The following RAB11FIP3 variants were observed in gnomAD, a reference collection of about 807,000 sequenced individuals.
The protein encoded by RAB11FIP3 is rab11 family-interacting protein 3.
RAB11FIP3 carries 17 observed loss-of-function variants against 77.8 expected under a neutral mutation model. The observed-to-expected ratio is 0.22, with a 90% CI of 0.15 to 0.33. The LOEUF is 0.33. Among genes scored for constraint, RAB11FIP3 ranks in the 10% least tolerant of loss-of-function variants. RAB11FIP3 has a pLI of 1.00. For synonymous variants in RAB11FIP3, 437 were observed against 448.2 expected, an observed-to-expected ratio of 0.98 and a Z score of 0.31; for missense variants, 1,005 against 1,011.2, an observed-to-expected ratio of 0.99 and a Z score of 0.08.
chr16:475,889 C>T (rs2055897326), intron 3 of RAB11FIP3, among the ~76,000 whole-genome samples: 1 of 152,064 alleles, frequency 6.6e-6, no homozygotes, highest in African/African-American at 2.4e-5. Context: ...TGGAGTCTCA[C>T]TCTGTCACCC....
chr16:502,731 A>C (rs73481306), intron 6 of RAB11FIP3: 2 of 520,516 alleles, frequency 3.8e-6, no homozygotes, highest in East Asian at 7.1e-5. Flanking sequence ...GACTGAGGTC[A>C]TGTTCTGTCA....
chr16:449,101 G>A (rs1209381653), intron 1 of RAB11FIP3, among the ~76,000 whole-genome samples: 4 of 152,106 alleles, frequency 2.6e-5, no homozygotes, highest in Non-Finnish European at 5.9e-5. Flanking sequence ...CTCATGCTAT[G>A]CTCTGGCCCT....
At chr16:451,286 C>G (rs983191708) in intron 1 of RAB11FIP3, 3 of 152,234 alleles carry the variant, frequency 2.0e-5, no homozygotes, top group African/African-American at 7.3e-5. Context: ...CCTGGCCATC[C>G]CTCCTTCCCC....
intron 1 of RAB11FIP3, among the ~76,000 whole-genome samples, chr16:432,602 T>TTGTGTG (rs1269521944): frequency 6.9e-6 from 1 of 143,926 alleles, no homozygotes; most frequent in Non-Finnish European, 1.5e-5. Flanking sequence ...TTTTTTTTTT[T>TTGTGTG]TGTGTGTGTG....
At position 471,449 on chromosome 16, in the gene RAB11FIP3, C is replaced by T; in HGVS notation, c.903+60C>T. On this transcript the variant is annotated intron_variant, in intron 3 of 13. Coordinates refer to ENST00000262305, the MANE Select transcript of RAB11FIP3 (RefSeq NM_014700.4). This position sits in a 1 kb window ranked among gnomAD's most constrained non-coding sequence, Gnocchi z 4.4. ...CTGGCATCCACCTCTTCCTTTATGC[C>T]CTACAGCTCGTGCCTCCTGCCTCCG... The T allele has an allele frequency of 1.4e-6, 2 of 1,381,192 alleles. No individual in the cohort carries two copies. Among genetic ancestry groups the T allele is most frequent in the Admixed American group, 1.9e-5 (1 of 51,862 alleles). The allele number at this position is 1,381,192 out of a possible 1,614,324, so 85.6% of individuals were successfully genotyped here.
In RAB11FIP3 at chr16:499,482, C is replaced by T. The variant is rs563792245; in HGVS notation, c.1301+2623C>T. ...CCTTTAAAATTTAATGTTTCCTTCA[C>T]GGGTACCCTTTGGCATAAAAAAAGC... On this transcript the variant is annotated intron_variant, in intron 6 of 13. Coordinates refer to ENST00000262305, the MANE Select transcript of RAB11FIP3 (RefSeq NM_014700.4). Among the ~76,000 whole-genome samples, 251 of 152,166 alleles carry T rather than the reference C, an allele frequency of 1.6e-3. 1 individual carries two copies. Among genetic ancestry groups the T allele is most frequent in the African/African-American group, 5.8e-3 (241 of 41,514 alleles).
intron 1 of RAB11FIP3, among the ~76,000 whole-genome samples, chr16:453,099 G>T (rs549701913): frequency 7.3e-6 from 1 of 137,846 alleles, no homozygotes; most frequent in African/African-American, 2.7e-5. Context: ...TTTTTGAGAC[G>T]GAGTCTCGCT....
At chr16:447,947 A>T (rs2055343935) in intron 1 of RAB11FIP3, among the ~76,000 whole-genome samples, 1 of 152,088 alleles carries the variant, frequency 6.6e-6, no homozygotes, top group African/African-American at 2.4e-5. Context: ...GTGAAAAATA[A>T]CGCTGACAAT....
chr16:508,009 C>A (rs118116098), intron 8 of RAB11FIP3, among the ~76,000 whole-genome samples: 1 of 152,236 alleles, frequency 6.6e-6, no homozygotes, highest in Non-Finnish European at 1.5e-5. Context: ...GTGTTTGATT[C>A]CTTATTTTCT....
chr16:473,745 T>C (rs1397448848), intron 3 of RAB11FIP3, among the ~76,000 whole-genome samples: 15 of 152,098 alleles, frequency 9.9e-5, no homozygotes. Context: ...CAGCCTGATA[T>C]GTTAGTATTA....
intron 6 of RAB11FIP3, 165 bp from the exon 7 acceptor site, chr16:502,839 A>G: frequency 1.5e-6 from 1 of 656,782 alleles, no homozygotes; most frequent in Non-Finnish European, 2.7e-6. Context: ...CTCCCCCTGT[A>G]TATAGTGCTT....
At chr16:455,329 C>T (rs193297497) in intron 1 of RAB11FIP3, among the ~76,000 whole-genome samples, 1 of 151,698 alleles carries the variant, frequency 6.6e-6, no homozygotes, top group Non-Finnish European at 1.5e-5. Flanking sequence ...CAAAAATCAG[C>T]CGGGCGTGGT....
At chr16:500,004 G>C (rs570561122) in intron 6 of RAB11FIP3, among the ~76,000 whole-genome samples, 1 of 152,304 alleles carries the variant, frequency 6.6e-6, no homozygotes, top group South Asian at 2.1e-4. Flanking sequence ...AGCCCTTCGC[G>C]CTGAACTATT....
chr16:457,896 C>T (rs1019044448), intron 1 of RAB11FIP3, among the ~76,000 whole-genome samples: 3 of 152,162 alleles, frequency 2.0e-5, no homozygotes, highest in Admixed American at 6.5e-5. Context: ...TAGGAATGAG[C>T]TTAGGAATGA....
At chr16:455,605 T>C (rs80324424) in intron 1 of RAB11FIP3, among the ~76,000 whole-genome samples, 14,214 of 152,134 alleles carry the variant, frequency 0.093, 715 homozygotes, top group East Asian at 0.2. Context: ...TTGTTGTTGT[T>C]GTTTTTTGGG....
At chr16:497,118 A>G in intron 6 of RAB11FIP3, 1 of 568,002 alleles carries the variant, frequency 1.8e-6, no homozygotes, top group South Asian at 1.9e-5. Flanking sequence ...GTGTTCACTA[A>G]GGTCTGGAAG....
chr16:428,072 G>A (rs2054980345), intron 1 of RAB11FIP3, among the ~76,000 whole-genome samples: 1 of 150,822 alleles, frequency 6.6e-6, no homozygotes. Context: ...CTGCACTCCA[G>A]CCTGGGCGAC....
At chr16:520,020 G>A (rs1039256635) in intron 11 of RAB11FIP3, 102 bp from the exon 12 acceptor site, 12 of 1,524,474 alleles carry the variant, frequency 7.9e-6, no homozygotes, top group South Asian at 2.4e-5. Flanking sequence ...TCGTCCTCCC[G>A]AGAGACGGCC....
chr16:428,682 C>A lies in RAB11FIP3; in HGVS notation c.714+1962C>A, dbSNP rs148665668. On this transcript the variant is annotated intron_variant, in intron 1 of 13. Transcript: ENST00000262305. ...AGAACTAGGTCTTTTGGCCCTTAGA[C>A]CTTAGATGCCTCTTCTTAGATGTGG... 7.0e-4 allele frequency among the ~76,000 whole-genome samples: 107 copies of A among 152,234 alleles called. 1 individual carries two copies. Among genetic ancestry groups the A allele is most frequent in the Non-Finnish European group, 1.1e-3 (77 of 68,018 alleles).
Sources: allele counts gnomAD v4.1 joint callset (sites outside exome capture counted in the v4.1 genomes callset), GRCh38; gene constraint gnomAD v4.1.1; non-coding constraint Gnocchi (gnomAD v3.1); transcripts MANE v1.5; gene names NCBI Gene and HGNC (gene_info 2026-07-23, HGNC 2026-07-21).